Variants in TBC1D5 observed in about 807,000 individuals in gnomAD.
TBC1D5 encodes the protein TBC1 domain family, member 5.
A neutral mutation model predicts 100.3 loss-of-function variants in TBC1D5; 75 were observed. The observed-to-expected ratio is 0.75, with a 90% CI of 0.62 to 0.91. TBC1D5 has a LOEUF of 0.91. TBC1D5 is among the 40% of genes least tolerant of loss of function. TBC1D5 has a pLI of 0.00. For missense variants in TBC1D5, 910 were observed against 942.4 expected, an observed-to-expected ratio of 0.97 and a Z score of 0.45; for synonymous variants, 323 against 325.6, an observed-to-expected ratio of 0.99 and a Z score of 0.09.
At chr3:17,550,328 A>G (rs2096461490) in intron 2 of TBC1D5, among the ~76,000 whole-genome samples, 1 of 152,166 alleles carries the variant, frequency 6.6e-6, no homozygotes, top group African/African-American at 2.4e-5. Flanking sequence ...TTTCCCCATT[A>G]CCTTGCTGAT....
At chr3:17,584,025 A>G (rs1002211574) in intron 2 of TBC1D5, among the ~76,000 whole-genome samples, 2 of 152,226 alleles carry the variant, frequency 1.3e-5, no homozygotes, top group African/African-American at 4.8e-5. Flanking sequence ...TGAAGTAATA[A>G]TAAGTGCTAC....
intron 1 of TBC1D5, among the ~76,000 whole-genome samples, chr3:17,704,375 C>T (rs968292516): frequency 6.6e-6 from 1 of 152,028 alleles, no homozygotes; most frequent in Admixed American, 6.6e-5. Flanking sequence ...CCCACCCTTC[C>T]CGCCTTTCTA....
intron 16 of TBC1D5, among the ~76,000 whole-genome samples, chr3:17,246,883 C>T (rs2076781095): frequency 6.6e-6 from 1 of 152,204 alleles, no homozygotes; most frequent in Non-Finnish European, 1.5e-5. Context: ...AGGACTGGCC[C>T]TTGACTGATT....
At chr3:17,367,842 G>A (rs1485894473) in intron 13 of TBC1D5, among the ~76,000 whole-genome samples, 2 of 151,374 alleles carry the variant, frequency 1.3e-5, no homozygotes, top group African/African-American at 4.9e-5. Flanking sequence ...CTAGGCAACA[G>A]AGCAAGACAC....
intron 2 of TBC1D5, among the ~76,000 whole-genome samples, chr3:17,546,309 T>C (rs1029048309): frequency 5.9e-5 from 9 of 152,192 alleles, no homozygotes; most frequent in African/African-American, 2.2e-4. Context: ...GCTTATATTG[T>C]ACACAACTTA....
chr3:17,261,263 A>C (rs967967265), intron 15 of TBC1D5, among the ~76,000 whole-genome samples: 1 of 152,224 alleles, frequency 6.6e-6, no homozygotes, highest in African/African-American at 2.4e-5. Context: ...AACAACAACC[A>C]AAACAAAACC....
chr3:17,463,900 T>C (rs1337355958), intron 3 of TBC1D5, among the ~76,000 whole-genome samples: 1 of 150,194 alleles, frequency 6.7e-6, no homozygotes, highest in Non-Finnish European at 1.5e-5. Flanking sequence ...TTTATTCACA[T>C]AATATTTCTC....
chr3:17,638,499 G>A (rs918828054), intron 1 of TBC1D5, among the ~76,000 whole-genome samples: 1 of 152,038 alleles, frequency 6.6e-6, no homozygotes, highest in African/African-American at 2.4e-5. Context: ...CTTATTTTCT[G>A]TGGAAGCAAA....
At chr3:17,476,576 G>C (rs951847135) in intron 3 of TBC1D5, among the ~76,000 whole-genome samples, 135 of 151,546 alleles carry the variant, frequency 8.9e-4, no homozygotes, top group African/African-American at 3.2e-3. Context: ...CTTGACTATT[G>C]TACCTTTTTT....
chr3:17,282,909 T>C (rs975304505), intron 15 of TBC1D5, among the ~76,000 whole-genome samples: 23 of 152,380 alleles, frequency 1.5e-4, no homozygotes, highest in African/African-American at 4.3e-4. Context: ...TTCTAATAAT[T>C]AGCGTTTGCA....
At chr3:17,234,257 C>T (rs932763915) in intron 17 of TBC1D5, among the ~76,000 whole-genome samples, 3 of 151,732 alleles carry the variant, frequency 2.0e-5, no homozygotes, top group Non-Finnish European at 2.9e-5. Flanking sequence ...TTTAAGTTAC[C>T]ACATGTACTT....
At position 17,614,984 on chromosome 3, in the gene TBC1D5, A is replaced by G. The variant is rs190914660; in HGVS notation, c.-36+8865T>C. Among the ~76,000 whole-genome samples the G allele has an allele frequency of 2.6e-3, 401 of 152,304 alleles. 2 individuals carry two copies. Among genetic ancestry groups the G allele is most frequent in the African/African-American group, 8.9e-3 (368 of 41,556 alleles). On this transcript the variant is annotated intron_variant, in intron 2 of 21. Transcript: ENST00000253692. ...GCTGGTTTTCAAAGGGAATGCTTCC[A>G]GTTTTTGCCCATTCAATATGATATT...
At chr3:17,267,727 GTCT>G (rs2149597665) in intron 15 of TBC1D5, among the ~76,000 whole-genome samples, 1 of 152,132 alleles carries the variant, frequency 6.6e-6, no homozygotes, top group South Asian at 2.1e-4. Context: ...TCTTTTTCCT[GTCT>G]TCTTCTCTTT....
rs373476990 is a variant in TBC1D5 at position 17,689,518 on chromosome 3, C to CAA, written c.-101+49823_-101+49824dup. Reference sequence around the variant, plus strand: ...TGGGCGACAGAGTGAGACCCTGTCTCAAAAAAAAAAAAAAAAAAGAAAAGA... The same window carrying CAA: ...TGGGCGACAGAGTGAGACCCTGTCTCAAAAAAAAAAAAAAAAAAAAGAAAAGA... On this transcript the variant is annotated intron_variant, in intron 1 of 21. Transcript: ENST00000253692. 6.6e-3 allele frequency among the ~76,000 whole-genome samples: 361 copies of CAA among 54,974 alleles called. 2 individuals are homozygous for CAA. The highest frequency in any genetic ancestry group is 0.017 in the African/African-American group (245 of 14,012). 36.1% of individuals were successfully genotyped at this position (54,974 alleles called of 152,430 possible). A position where few individuals can be genotyped will look rare whatever the true frequency, so the allele number is the denominator to read the frequency against.
At chr3:17,200,528 A>T (rs919232660) in intron 18 of TBC1D5, among the ~76,000 whole-genome samples, 4 of 152,240 alleles carry the variant, frequency 2.6e-5, no homozygotes, top group East Asian at 1.9e-4. Flanking sequence ...GGAACAGGGA[A>T]CCTGTTTGAT....
At chr3:17,313,217 T>C (rs1666765327) in intron 13 of TBC1D5, among the ~76,000 whole-genome samples, 1 of 152,178 alleles carries the variant, frequency 6.6e-6, no homozygotes, top group African/African-American at 2.4e-5. Flanking sequence ...GTAACCTCTC[T>C]ACCCTATCAC....
intron 19 of TBC1D5, among the ~76,000 whole-genome samples, chr3:17,169,664 T>C (rs1489456874): frequency 1.3e-5 from 2 of 152,188 alleles, no homozygotes; most frequent in African/African-American, 4.8e-5. Context: ...TAAAAGCCTG[T>C]AACAATTTCT....
intron 8 of TBC1D5, among the ~76,000 whole-genome samples, chr3:17,400,072 T>C: frequency 6.6e-6 from 1 of 152,100 alleles, no homozygotes; most frequent in East Asian, 1.9e-4. Flanking sequence ...CTATACATGC[T>C]TACTGTCTCA....
At chr3:17,566,244 T>C (rs1006503590) in intron 2 of TBC1D5, among the ~76,000 whole-genome samples, 4 of 152,056 alleles carry the variant, frequency 2.6e-5, no homozygotes, top group East Asian at 1.9e-4. Context: ...TGTGGAATTA[T>C]GCACTTACGT....
Sources: gnomAD v4.1 joint callset for allele counts (sites outside exome capture counted in the v4.1 genomes callset) on GRCh38, gnomAD v4.1.1 for gene constraint, MANE v1.5 for transcripts, NCBI Gene and HGNC (gene_info 2026-07-23, HGNC 2026-07-21) for gene names.